SMAD6: variants seen among roughly 807,000 people sequenced by gnomAD.
SMAD6 encodes the protein SMAD family member 6.
Under a neutral mutation model 39.4 loss-of-function variants are expected in SMAD6, and 103 were observed. That is an observed-to-expected ratio of 2.62 (90% confidence interval 2.23 to 3.08). SMAD6 has a LOEUF of 3.08. SMAD6 is among the 30% of genes most tolerant of loss of function. The pLI is 0.00. For missense variants in SMAD6, 1,104 were observed against 742.9 expected, an observed-to-expected ratio of 1.49 and a Z score of -5.65; for synonymous variants, 445 against 353.3, an observed-to-expected ratio of 1.26 and a Z score of -2.91.
chr15:66,721,202 C>T (rs2439400), intron 3 of SMAD6, among the ~76,000 whole-genome samples: 30,676 of 150,056 alleles, frequency 0.2, 3,343 homozygotes, highest in African/African-American at 0.3. Context: ...GGGTTGCAAC[C>T]CAAGGTGGAT....
chr15:66,779,422 G>A (rs1894521193), intron 3 of SMAD6, among the ~76,000 whole-genome samples: 1 of 152,176 alleles, frequency 6.6e-6, no homozygotes, highest in Non-Finnish European at 1.5e-5. Context: ...CTGTGTCTGG[G>A]ACCTCAGTGC....
intron 3 of SMAD6, among the ~76,000 whole-genome samples, chr15:66,738,107 G>A (rs1217976892): frequency 1.3e-5 from 2 of 152,132 alleles, no homozygotes; most frequent in Non-Finnish European, 2.9e-5. Context: ...TCTTGCAAAG[G>A]GAGAATGGCT....
chr15:66,752,378 G>T (rs906314988), intron 3 of SMAD6, among the ~76,000 whole-genome samples: 1 of 152,188 alleles, frequency 6.6e-6, no homozygotes, highest in Non-Finnish European at 1.5e-5. Flanking sequence ...GTGTAACTTT[G>T]GGGGGTGTTT....
In SMAD6 at chr15:66,703,240, T is replaced by C. The variant is rs1595756191; in HGVS notation, c.-19T>C. 2 of 1,371,406 alleles carry C rather than the reference T, an allele frequency of 1.5e-6. No homozygotes were observed. Among genetic ancestry groups the C allele is most frequent in the Non-Finnish European group, 1.9e-6 (2 of 1,052,938 alleles). 85.0% of individuals were successfully genotyped at this position (1,371,406 alleles called of 1,614,324 possible). On this transcript the variant is annotated 5_prime_UTR_variant, in exon 1 of 4. Transcript: ENST00000288840. ...CCGGAGACCGCCTCCCCCCCACCCC[T>C]GGCGCCAAAGGATATCGTATGTTCA... is the stretch of plus-strand genomic sequence containing the variant.
chr15:66,738,166 A>G (rs1893746848), intron 3 of SMAD6, among the ~76,000 whole-genome samples: 1 of 152,140 alleles, frequency 6.6e-6, no homozygotes, highest in African/African-American at 2.4e-5. Flanking sequence ...CTGAGAGGCT[A>G]TTTTTATACC....
chr15:66,704,081 C>G lies in SMAD6; in HGVS notation c.817+6C>G, dbSNP rs1893053590. The G allele has an allele frequency of 3.4e-6, 5 of 1,463,980 alleles. No individual in the cohort carries two copies. The highest frequency in any genetic ancestry group is 4.5e-6 in the Non-Finnish European group (5 of 1,115,280). 90.7% of individuals were successfully genotyped at this position (1,463,980 alleles called of 1,614,324 possible). A position where few individuals can be genotyped will look rare whatever the true frequency, so the allele number is the denominator to read the frequency against. Reference sequence around the variant, plus strand: ...CAGCCGGCTCTGCGGGCCCGGTGAGCGCGCTGCGCCGGCCGGGGGGGCCCC... The same window carrying G: ...CAGCCGGCTCTGCGGGCCCGGTGAGGGCGCTGCGCCGGCCGGGGGGGCCCC... On this transcript the variant is annotated splice_donor_region_variant and intron_variant, in intron 1 of 3. Transcript: ENST00000288840.
intron 3 of SMAD6, among the ~76,000 whole-genome samples, chr15:66,757,259 C>T (rs56324023): frequency 0.057 from 8,710 of 152,248 alleles, 324 homozygotes; most frequent in African/African-American, 0.092. Flanking sequence ...CGGGAGGAGG[C>T]GTGGTGTGCA....
At chr15:66,731,086 A>G (rs1893618562) in intron 3 of SMAD6, among the ~76,000 whole-genome samples, 1 of 152,216 alleles carries the variant, frequency 6.6e-6, no homozygotes, top group Non-Finnish European at 1.5e-5. Context: ...ATGAATTTTT[A>G]TAATTATGTA....
chr15:66,780,608 C>T (rs919484604), intron 3 of SMAD6, among the ~76,000 whole-genome samples: 19 of 152,166 alleles, frequency 1.2e-4, no homozygotes, highest in Non-Finnish European at 2.6e-4. Context: ...ACGCCGGGTC[C>T]GTGATGGTTG....
chr15:66,724,658 A>G (rs769059722), intron 3 of SMAD6, among the ~76,000 whole-genome samples: 10 of 152,212 alleles, frequency 6.6e-5, no homozygotes, highest in African/African-American at 9.6e-5. Flanking sequence ...GATTCAGGAC[A>G]CAAACATGAT....
intron 3 of SMAD6, among the ~76,000 whole-genome samples, chr15:66,744,923 T>C (rs1300887407): frequency 1.3e-5 from 2 of 152,146 alleles, no homozygotes; most frequent in African/African-American, 4.8e-5. Flanking sequence ...ACTTTGTTCT[T>C]GGGGGCTCCT....
intron 3 of SMAD6, among the ~76,000 whole-genome samples, chr15:66,778,884 T>C (rs1595803278): frequency 6.6e-6 from 1 of 152,232 alleles, no homozygotes; most frequent in East Asian, 1.9e-4. Flanking sequence ...AAGGCACTCA[T>C]GGATGCCGTT....
At chr15:66,736,304 A>T (rs532075096) in intron 3 of SMAD6, among the ~76,000 whole-genome samples, 1 of 152,248 alleles carries the variant, frequency 6.6e-6, no homozygotes, top group African/African-American at 2.4e-5. Flanking sequence ...GTCCCATCCA[A>T]TACTGGGGAC....
intron 3 of SMAD6, among the ~76,000 whole-genome samples, chr15:66,721,880 C>A (rs867995242): frequency 2.6e-4 from 39 of 152,202 alleles, no homozygotes; most frequent in African/African-American, 9.4e-4. Context: ...CAACTCTTGG[C>A]GTGGTAGGGA....
Position 66,726,470 on chromosome 15 carries a change from C to T in SMAD6, c.952+9972C>T, listed in dbSNP as rs191687571. Among the ~76,000 whole-genome samples the T allele has an allele frequency of 7.2e-5, 11 of 152,292 alleles. No homozygotes were observed. The East Asian group carries it at 1.9e-3, about 27-fold the overall frequency. On this transcript the variant is annotated intron_variant, in intron 3 of 3. Transcript: ENST00000288840. ...GGGCTAGGTGATGAAATCTCTGGGG[C>T]TTCCTGTGCTGTTTGACTGAGAGGG... is the stretch of plus-strand genomic sequence containing the variant.
At chr15:66,759,392 G>C (rs1752177479) in intron 3 of SMAD6, among the ~76,000 whole-genome samples, 1 of 152,060 alleles carries the variant, frequency 6.6e-6, no homozygotes, top group African/African-American at 2.4e-5. Flanking sequence ...AACTTTTTTT[G>C]TTTCAACAGC....
intron 3 of SMAD6, among the ~76,000 whole-genome samples, chr15:66,759,494 A>G (rs1340497081): frequency 6.6e-6 from 1 of 152,244 alleles, no homozygotes; most frequent in East Asian, 1.9e-4. Context: ...AGCAGTGTAC[A>G]CTGTACCCAG....
chr15:66,762,546 G>A (rs1383632764), intron 3 of SMAD6, among the ~76,000 whole-genome samples: 2 of 152,108 alleles, frequency 1.3e-5, no homozygotes, highest in Non-Finnish European at 2.9e-5. Flanking sequence ...TGTCGGGAGG[G>A]GGCACTTTGG....
At chr15:66,724,154 A>G (rs1893481393) in intron 3 of SMAD6, among the ~76,000 whole-genome samples, 1 of 152,166 alleles carries the variant, frequency 6.6e-6, no homozygotes, top group African/African-American at 2.4e-5. Flanking sequence ...GGCTGTCCTG[A>G]ACACTAGAGG....
Sources: gnomAD v4.1 joint callset for allele counts (sites outside exome capture counted in the v4.1 genomes callset) on GRCh38, gnomAD v4.1.1 for gene constraint, MANE v1.5 for transcripts, NCBI Gene and HGNC (gene_info 2026-07-23, HGNC 2026-07-21) for gene names.